MTOR: variants seen among roughly 807,000 people sequenced by gnomAD.
The protein encoded by MTOR is serine/threonine-protein kinase mTOR.
MTOR carries 70 observed loss-of-function variants against 319.8 expected under a neutral mutation model. The observed-to-expected ratio is 0.22, with a 90% CI of 0.18 to 0.27. The LOEUF (loss-of-function observed/expected upper bound fraction) is 0.27, where lower values mean the gene tolerates loss of function less well. MTOR is among the 10% of genes least tolerant of loss of function. The pLI is 1.00. For missense variants in MTOR, 1,890 were observed against 3,274.4 expected, an observed-to-expected ratio of 0.58 and a Z score of 10.32; for synonymous variants, 1,183 against 1,211.4, an observed-to-expected ratio of 0.98 and a Z score of 0.49.
At chr1:11,163,103 A>G (rs561356177) in intron 29 of MTOR, among the ~76,000 whole-genome samples, 2 of 152,324 alleles carry the variant, frequency 1.3e-5, no homozygotes, top group African/African-American at 4.8e-5. Flanking sequence ...TACCAAGCAA[A>G]TGGAAAACAA....
At chr1:11,249,277 G>A (rs564530824) in intron 6 of MTOR, among the ~76,000 whole-genome samples, 1 of 152,240 alleles carries the variant, frequency 6.6e-6, no homozygotes, top group Non-Finnish European at 1.5e-5. Context: ...ACTCCAAATT[G>A]AGAAGGAGAT....
At chr1:11,118,804 T>C (rs1167610899) in intron 49 of MTOR, among the ~76,000 whole-genome samples, 2 of 151,916 alleles carry the variant, frequency 1.3e-5, no homozygotes, top group African/African-American at 4.8e-5. Flanking sequence ...TTTTTTATTT[T>C]TTGTAGAGAT....
intron 28 of MTOR, among the ~76,000 whole-genome samples, chr1:11,175,605 C>G (rs1409380377): frequency 6.6e-6 from 1 of 152,228 alleles, no homozygotes; most frequent in African/African-American, 2.4e-5. Flanking sequence ...GGCAAGCATG[C>G]GAGCTGAGCA....
intron 53 of MTOR, 76 bp from the exon 54 acceptor site, chr1:11,112,993 T>A: frequency 6.9e-7 from 1 of 1,445,302 alleles, no homozygotes; most frequent in Non-Finnish European, 9.7e-7. Flanking sequence ...TTTCTTCCAG[T>A]CATAAAAATA....
At position 11,189,989 on chromosome 1, in the gene MTOR, T is replaced by C. The variant is rs749498855; in HGVS notation, c.4253+9269A>G. On this transcript the variant is annotated intron_variant, in intron 28 of 57. Transcript: ENST00000361445. The stretch of plus-strand genomic sequence containing the variant: ...ACCAGTCCCCTGAGGGAGCGTGGAG[T>C]GCCTCCCCATCTACAGCACTGCTTC... 3.7e-5 allele frequency: 58 copies of C among 1,570,750 alleles called. 1 individual carries two copies. The East Asian group carries it at 1.3e-3, about 35-fold the overall frequency.
chr1:11,119,784 C>T (rs1320008048), intron 49 of MTOR, among the ~76,000 whole-genome samples: 5 of 146,660 alleles, frequency 3.4e-5, no homozygotes, highest in African/African-American at 1.3e-4. Flanking sequence ...AACAAACAAA[C>T]AAAAAAAACA....
At chr1:11,136,265 C>T (rs976139300) in intron 36 of MTOR, among the ~76,000 whole-genome samples, 1 of 152,240 alleles carries the variant, frequency 6.6e-6, no homozygotes, top group Non-Finnish European at 1.5e-5. Flanking sequence ...CATGAAGAGA[C>T]TGGGTTAACC....
chr1:11,256,796 T>C (rs1650459314), intron 4 of MTOR, 137 bp downstream of exon 4: 1 of 787,348 alleles, frequency 1.3e-6, no homozygotes, highest in Non-Finnish European at 2.1e-6. Context: ...GGACGGACTC[T>C]ACCCCATCTC....
At chr1:11,194,857 G>A (rs749069196) in intron 28 of MTOR, 1 of 1,613,914 alleles carries the variant, frequency 6.2e-7, no homozygotes, top group Non-Finnish European at 8.5e-7. Flanking sequence ...ATGCCAGGTG[G>A]CTACTGGTAC....
intron 31 of MTOR, among the ~76,000 whole-genome samples, chr1:11,148,670 G>A (rs1245750778): frequency 3.3e-5 from 5 of 152,046 alleles, no homozygotes; most frequent in Admixed American, 6.6e-5. Context: ...GGGAGGCCGA[G>A]GAGGATGGAT....
Position 11,231,034 on chromosome 1 carries a change from A to G in MTOR, c.2670T>C (p.Leu890=). The change falls in exon 18 of 58, where the codon CTT becomes CTC. Residue 890 remains leucine (L), a synonymous_variant. Coordinates refer to ENST00000361445, the MANE Select transcript of MTOR (RefSeq NM_004958.4). ...TRREAIRVLG[L]LGALDPYKHK... ...GCTTGTAAGGATCCAAAGCCCCTAA[A>G]AGCCCTAACACACGGATGGCCTGCG... The G allele has an allele frequency of 1.2e-6, 2 of 1,614,158 alleles. No individual in the cohort carries two copies. The highest frequency in any genetic ancestry group is 1.7e-6 in the Non-Finnish European group (2 of 1,180,022).
intron 28 of MTOR, among the ~76,000 whole-genome samples, chr1:11,180,713 G>A (rs1425752417): frequency 6.6e-6 from 1 of 152,058 alleles, no homozygotes; most frequent in Admixed American, 6.5e-5. Flanking sequence ...TCCCTTTGGG[G>A]ACAGATGAGC....
At chr1:11,108,128 G>T in intron 57 of MTOR, 53 bp downstream of exon 57, 1 of 1,456,818 alleles carries the variant, frequency 6.9e-7, no homozygotes, top group Non-Finnish European at 9.6e-7. Flanking sequence ...TGGGGCCTAG[G>T]CTTGGGACCT....
At chr1:11,147,064 G>C (rs1259571490) in intron 31 of MTOR, among the ~76,000 whole-genome samples, 2 of 152,194 alleles carry the variant, frequency 1.3e-5, no homozygotes, top group Non-Finnish European at 2.9e-5. Context: ...GCATGAGTGT[G>C]AAGTCTGCAC....
chr1:11,116,335 GA>G (rs1439663235), intron 50 of MTOR, among the ~76,000 whole-genome samples: 1 of 152,144 alleles, frequency 6.6e-6, no homozygotes, highest in Non-Finnish European at 1.5e-5. Flanking sequence ...TTTTCTTTGA[GA>G]CAGAGTCTTA....
intron 1 of MTOR, among the ~76,000 whole-genome samples, chr1:11,261,946 G>A (rs1404907438): frequency 6.6e-6 from 1 of 152,134 alleles, no homozygotes; most frequent in Non-Finnish European, 1.5e-5. Flanking sequence ...TGTTGATAGG[G>A]CTTAAGGAAG....
rs112840392 is a variant in MTOR, at chr1:11,258,980, T to C, written c.162+268A>G. Among the ~76,000 whole-genome samples the C allele has an allele frequency of 4.7e-3, 716 of 152,240 alleles. 3 individuals carry two copies. Among genetic ancestry groups the C allele is most frequent in the African/African-American group, 0.016 (647 of 41,536 alleles). On this transcript the variant is annotated intron_variant, in intron 2 of 57. Transcript: ENST00000361445. The stretch of plus-strand genomic sequence containing the variant: ...ACAGAAAGCATTTGAGGGTGTGGTA[T>C]GTGGTAAGGAAAAAATAAAAAGTTA...
chr1:11,154,513 A>ATCTC (rs200903697), intron 30 of MTOR, among the ~76,000 whole-genome samples: 1 of 147,584 alleles, frequency 6.8e-6, no homozygotes, highest in East Asian at 2.0e-4. Context: ...GTGGAATATT[A>ATCTC]TCTCTCTCTC....
intron 29 of MTOR, among the ~76,000 whole-genome samples, chr1:11,165,271 T>C (rs1318062449): frequency 6.8e-6 from 1 of 147,580 alleles, no homozygotes; most frequent in African/African-American, 2.6e-5. Context: ...GAGAAAGAAA[T>C]AAAAGGCAAT....
Sources: allele counts gnomAD v4.1 joint callset (sites outside exome capture counted in the v4.1 genomes callset), GRCh38; gene constraint gnomAD v4.1.1; transcripts MANE v1.5; gene names NCBI Gene and HGNC (gene_info 2026-07-23, HGNC 2026-07-21).